INVS: variants seen among roughly 807,000 people sequenced by gnomAD.
INVS encodes inversin.
Under a neutral mutation model 108.8 loss-of-function variants are expected in INVS, and 86 were observed. The ratio of observed to expected loss-of-function variants is 0.79; its 90% CI spans 0.66 to 0.95. The LOEUF (loss-of-function observed/expected upper bound fraction) is 0.95. Ranked by LOEUF, INVS falls within the 40% of genes least tolerant of loss-of-function variation. The pLI is 0.00. For synonymous variants in INVS, 455 were observed against 473.5 expected (o/e 0.96, Z 0.51); for missense variants, 1,169 against 1,297.4 (o/e 0.90, Z 1.52).
intron 3 of INVS, among the ~76,000 whole-genome samples, chr9:100,174,070 G>C (rs906482106): frequency 6.6e-6 from 1 of 152,216 alleles, no homozygotes; most frequent in Non-Finnish European, 1.5e-5. Context: ...AATATTGCTA[G>C]ACATGAGGAC....
rs539355754 is a variant in INVS at position 100,282,293 on chromosome 9, G to A, written c.1785-2027G>A. 7.9e-5 allele frequency among the ~76,000 whole-genome samples: 12 copies of A among 152,170 alleles called. No homozygotes were observed. In the East Asian group the frequency reaches 1.7e-3, roughly 22 times the overall value. On this transcript the variant is annotated intron_variant, in intron 12 of 16. Coordinates refer to ENST00000262457, the MANE Select transcript of INVS (RefSeq NM_014425.5). ...CAGGCTCCGAGATGACAGGCTGTCC[G>A]GCTGGCCTGTAGACCACAGTCATTA...
At position 100,246,725 on chromosome 9, in the gene INVS, G is replaced by A. The variant is rs768193321; in HGVS notation, c.1016G>A (p.Arg339Lys). Residue 339 changes from arginine to lysine, a missense_variant, in exon 8 of 17, where the codon AGA becomes AAA. Physicochemically the swap from Arg to Lys is conservative, Grantham distance 26. Around this residue, in one of 3 missense-constraint regions of INVS, gnomAD observed 271 missense variants for 363.8 expected, o/e 0.74. Coordinates refer to ENST00000262457, the MANE Select transcript of INVS (RefSeq NM_014425.5). ...AAGKGSDDVL[R>K]TMLSLKSDID... ...GGCAAAGGCAGTGATGATGTCCTTA[G>A]AACTATGCTGAGCTTAAAATCGGAC... 6.2e-7 allele frequency: 1 copy of A among 1,614,000 alleles called. No homozygotes were observed. Among genetic ancestry groups the A allele is most frequent in the Non-Finnish European group, 8.5e-7 (1 of 1,179,898 alleles).
In INVS at chr9:100,292,340, C is replaced by T. The variant is rs1833644286; in HGVS notation, c.2083C>T (p.His695Tyr). The T allele has an allele frequency of 6.2e-7, 1 of 1,614,060 alleles. No homozygotes were observed. The highest frequency in any genetic ancestry group is 1.3e-5 in the African/African-American group (1 of 75,036). ...GTTTCCTCAAGAAACAGCCAGAGAA[C>T]ATTCTAAAGGCCAATCTGCTTGTGT... Reference protein sequence around the residue: ...SRRPNETAREHSKGQSACVHF... With the variant: ...SRRPNETAREYSKGQSACVHF... Residue 695 changes from histidine (H) to tyrosine (Y), a missense_variant, in exon 14 of 17, where the codon CAT becomes TAT. His to Tyr is a moderately conservative substitution (Grantham distance 83, BLOSUM62 2). Around this residue, in one of 3 missense-constraint regions of INVS, gnomAD observed 533 missense variants for 536.0 expected, o/e 0.99. Coordinates refer to ENST00000262457, the MANE Select transcript of INVS (RefSeq NM_014425.5).
intron 2 of INVS, among the ~76,000 whole-genome samples, chr9:100,116,484 G>T (rs1213227300): frequency 6.6e-6 from 1 of 152,022 alleles, no homozygotes; most frequent in East Asian, 1.9e-4. Context: ...TATCAAATAT[G>T]TGTTTTGCAA....
chr9:100,266,464 TA>T (rs1391757016), intron 11 of INVS, among the ~76,000 whole-genome samples: 1 of 152,182 alleles, frequency 6.6e-6, no homozygotes, highest in East Asian at 1.9e-4. Flanking sequence ...CCTTATAGGG[TA>T]ACTTCCCAAC....
chr9:100,127,789 A>G (rs1827932938), intron 3 of INVS, among the ~76,000 whole-genome samples: 1 of 152,100 alleles, frequency 6.6e-6, no homozygotes, highest in Non-Finnish European at 1.5e-5. Flanking sequence ...TTATTATAGT[A>G]ATTTTTTTAA....
intron 3 of INVS, among the ~76,000 whole-genome samples, chr9:100,181,120 A>T (rs1429421098): frequency 6.6e-6 from 1 of 152,162 alleles, no homozygotes; most frequent in African/African-American, 2.4e-5. Flanking sequence ...GTAATGATGG[A>T]ATGTATCTCA....
chr9:100,250,901 C>A (rs141841302), intron 8 of INVS, among the ~76,000 whole-genome samples: 239 of 152,310 alleles, frequency 1.6e-3, no homozygotes, highest in Non-Finnish European at 1.9e-3. Flanking sequence ...ATGTTTCTGA[C>A]TTACTCCACT....
chr9:100,157,635 T>A (rs1829042644), intron 3 of INVS, among the ~76,000 whole-genome samples: 1 of 152,186 alleles, frequency 6.6e-6, no homozygotes, highest in African/African-American at 2.4e-5. Context: ...GAAAACATTT[T>A]CACAAGAGGC....
chr9:100,119,150 A>T (rs927475337), intron 2 of INVS, among the ~76,000 whole-genome samples: 1 of 152,214 alleles, frequency 6.6e-6, no homozygotes, highest in African/African-American at 2.4e-5. Context: ...TTGATATCAT[A>T]CAATGTGAGT....
intron 3 of INVS, among the ~76,000 whole-genome samples, chr9:100,158,014 A>G (rs1829057980): frequency 6.6e-6 from 1 of 152,218 alleles, no homozygotes; most frequent in Non-Finnish European, 1.5e-5. Flanking sequence ...AATGTGGTGT[A>G]TATCACAGAA....
At chr9:100,228,032 C>A (rs536849876) in intron 4 of INVS, among the ~76,000 whole-genome samples, 42 of 145,098 alleles carry the variant, frequency 2.9e-4, no homozygotes, top group African/African-American at 1.1e-3. Flanking sequence ...ACTCTATCAC[C>A]CAGGCTGGCG....
At chr9:100,235,852 TG>T (rs1174342923) in intron 5 of INVS, among the ~76,000 whole-genome samples, 1 of 152,184 alleles carries the variant, frequency 6.6e-6, no homozygotes, top group Non-Finnish European at 1.5e-5. Flanking sequence ...GTCTTGGGGT[TG>T]CTCTTCTTGA....
chr9:100,162,601 G>A (rs1226591719), intron 3 of INVS, among the ~76,000 whole-genome samples: 1 of 152,166 alleles, frequency 6.6e-6, no homozygotes, highest in African/African-American at 2.4e-5. Flanking sequence ...TGTGGCAGAT[G>A]CTCTTTCCAT....
chr9:100,256,763 G>T (rs1179815376), intron 10 of INVS, among the ~76,000 whole-genome samples: 1 of 152,200 alleles, frequency 6.6e-6, no homozygotes, highest in Non-Finnish European at 1.5e-5. Flanking sequence ...TAATTTGATT[G>T]CACTGTGGTC....
At chr9:100,228,560 A>T (rs368478940) in intron 4 of INVS, among the ~76,000 whole-genome samples, 13 of 152,174 alleles carry the variant, frequency 8.5e-5, no homozygotes, top group Non-Finnish European at 1.5e-4. Context: ...CATTATCAAG[A>T]TCATCACTTA....
In INVS at chr9:100,252,978, G is replaced by A; in HGVS notation, c.1306G>A (p.Ala436Thr). Residue 436 changes from alanine (A) to threonine (T), a missense_variant, in exon 10 of 17, where the codon GCT becomes ACT. Ala to Thr is a moderately conservative substitution (Grantham distance 58). Around this residue, in one of 3 missense-constraint regions of INVS, gnomAD observed 271 missense variants for 363.8 expected, o/e 0.74. Coordinates refer to ENST00000262457, the MANE Select transcript of INVS (RefSeq NM_014425.5). ...LLHWAALGGNADVCQILIENK... is the reference protein window; with the variant it reads ...LLHWAALGGNTDVCQILIENK... The stretch of plus-strand genomic sequence containing the variant: ...ACATTGGGCAGCACTGGGAGGAAAT[G>A]CTGATGTTTGCCAGATATTAATAGA... The A allele has an allele frequency of 6.2e-7, 1 of 1,613,974 alleles. No individual in the cohort carries two copies. Among genetic ancestry groups the A allele is most frequent in the Non-Finnish European group, 8.5e-7 (1 of 1,179,902 alleles).
rs1192378189 is a variant in INVS, at chr9:100,284,332, A to G, written c.1797A>G (p.Glu599=). The G allele has an allele frequency of 4.1e-5, 66 of 1,613,196 alleles. No homozygotes were observed. Among genetic ancestry groups the G allele is most frequent in the Non-Finnish European group, 5.5e-5 (65 of 1,180,054 alleles). Residue 599 remains glutamate, a synonymous_variant, in exon 13 of 17, where the codon GAA becomes GAG. Coordinates refer to ENST00000262457, the MANE Select transcript of INVS (RefSeq NM_014425.5). ...GCTTTGCTTCCAGAAAGCGAGAGGA[A>G]GAAAACAAACGAAAAGAGGCAGAAC... ...RKDAAAKKRE[E]ENKRKEAEQQ...
chr9:100,231,832 A>G (rs1213791553), intron 5 of INVS, among the ~76,000 whole-genome samples: 1 of 152,118 alleles, frequency 6.6e-6, no homozygotes, highest in Non-Finnish European at 1.5e-5. Flanking sequence ...ATGTGTCTTT[A>G]TAGTAGAATG....
Sources: allele counts gnomAD v4.1 joint callset (sites outside exome capture counted in the v4.1 genomes callset), GRCh38; gene constraint gnomAD v4.1.1; regional missense constraint gnomAD v4.1.1; transcripts MANE v1.5; gene names NCBI Gene and HGNC (gene_info 2026-07-23, HGNC 2026-07-21).